The following ROR1 variants were observed in gnomAD, a reference collection of about 807,000 sequenced individuals.
ROR1 encodes ROR family WNT receptor 1.
Under a neutral mutation model 78.8 loss-of-function variants are expected in ROR1, and 19 were observed. That is an observed-to-expected ratio of 0.24 (90% CI 0.17 to 0.35). The LOEUF (loss-of-function observed/expected upper bound fraction) is 0.35. Ranked by LOEUF, ROR1 falls within the 10% of genes least tolerant of loss-of-function variation. ROR1 has a pLI of 1.00. For synonymous variants in ROR1, 386 were observed against 433.6 expected, an observed-to-expected ratio of 0.89 and a Z score of 1.36; for missense variants, 917 against 1,177.8, an observed-to-expected ratio of 0.78 and a Z score of 3.24.
At chr1:64,158,912 A>G (rs898996124) in intron 7 of ROR1, 69 bp from the exon 8 acceptor site, 24 of 1,177,594 alleles carry the variant, frequency 2.0e-5, no homozygotes, top group African/African-American at 4.5e-5. Context: ...ATTTTAAACT[A>G]TGCAATGTAA....
intron 1 of ROR1, among the ~76,000 whole-genome samples, chr1:63,982,852 A>G (rs1272787571): frequency 6.6e-6 from 1 of 152,146 alleles, no homozygotes; most frequent in East Asian, 1.9e-4. Context: ...CTCCTGGTCT[A>G]CTAGATATAT....
chr1:63,990,340 A>G (rs116564716), intron 1 of ROR1, among the ~76,000 whole-genome samples: 3,377 of 152,224 alleles, frequency 0.022, 60 homozygotes, highest in African/African-American at 0.048. Flanking sequence ...AAGTGTAGGG[A>G]GGGCTTCACT....
rs1017978516 is a variant in ROR1, at chr1:63,866,666, TA to T, written c.91+92166del. Among the ~76,000 whole-genome samples the T allele has an allele frequency of 1.3e-4, 19 of 151,918 alleles. No individual in the cohort carries two copies. The South Asian group carries it at 3.7e-3, about 30-fold the overall frequency. Reference sequence around the variant, plus strand: ...TTTCCTTATATATTTCCTTCTGAAATAAAAAAAAGTATCTTTCATTAGATAT... The same window carrying T: ...TTTCCTTATATATTTCCTTCTGAAATAAAAAAAGTATCTTTCATTAGATAT... On this transcript the variant is annotated intron_variant, in intron 1 of 8. Coordinates refer to ENST00000371079, the MANE Select transcript of ROR1 (RefSeq NM_005012.4).
At chr1:64,097,529 T>C (rs558968003) in intron 4 of ROR1, among the ~76,000 whole-genome samples, 1 of 151,398 alleles carries the variant, frequency 6.6e-6, no homozygotes, top group East Asian at 1.9e-4. Flanking sequence ...GACAAGATTG[T>C]ATTTATGCAT....
At chr1:63,910,616 A>T (rs1001330593) in intron 1 of ROR1, among the ~76,000 whole-genome samples, 1 of 151,902 alleles carries the variant, frequency 6.6e-6, no homozygotes, top group East Asian at 1.9e-4. Context: ...ACCTCCTATG[A>T]CCCCATAGCC....
intron 1 of ROR1, among the ~76,000 whole-genome samples, chr1:63,924,003 C>G (rs1645678667): frequency 6.6e-6 from 1 of 151,788 alleles, no homozygotes; most frequent in Non-Finnish European, 1.5e-5. Context: ...TTTTGTAGCT[C>G]TAAACACGGG....
rs148310082 is a variant in ROR1, at chr1:64,161,647, G to C, written c.1386+2455G>C. On this transcript the variant is annotated intron_variant, in intron 8 of 8. Transcript: ENST00000371079. Reference sequence around the variant, plus strand: ...GGGTGAAGTAAACATTGTTTTCATAGTTTCTGGATCATTTCTGAGGTGTGC... The same window carrying C: ...GGGTGAAGTAAACATTGTTTTCATACTTTCTGGATCATTTCTGAGGTGTGC... Among the ~76,000 whole-genome samples the C allele has an allele frequency of 2.6e-5, 4 of 152,312 alleles. No individual in the cohort carries two copies. In the East Asian group the frequency reaches 7.7e-4, roughly 29 times the overall value.
intron 1 of ROR1, among the ~76,000 whole-genome samples, chr1:63,923,430 C>G (rs1645674066): frequency 6.6e-6 from 1 of 152,024 alleles, no homozygotes; most frequent in African/African-American, 2.4e-5. Context: ...GCCAGTGGTG[C>G]CAGATCACAG....
intron 1 of ROR1, among the ~76,000 whole-genome samples, chr1:63,796,349 G>A (rs911791948): frequency 3.3e-5 from 5 of 152,150 alleles, no homozygotes; most frequent in Non-Finnish European, 5.9e-5. Flanking sequence ...CTGTGTAGTG[G>A]CAGTGTCAAC....
intron 1 of ROR1, among the ~76,000 whole-genome samples, chr1:63,900,710 A>G (rs1645478233): frequency 6.6e-6 from 1 of 152,164 alleles, no homozygotes; most frequent in South Asian, 2.1e-4. Flanking sequence ...GGAAGCCCCT[A>G]TTAATATTTT....
At chr1:63,846,401 C>G (rs1420813685) in intron 1 of ROR1, among the ~76,000 whole-genome samples, 1 of 152,070 alleles carries the variant, frequency 6.6e-6, no homozygotes, top group Non-Finnish European at 1.5e-5. Context: ...TTTTCGATAA[C>G]CTCAGCCCAA....
At chr1:64,156,098 T>C (rs1649762154) in intron 7 of ROR1, among the ~76,000 whole-genome samples, 1 of 152,166 alleles carries the variant, frequency 6.6e-6, no homozygotes, top group Admixed American at 6.5e-5. Context: ...TACCTGTGAA[T>C]CCCCCTCTAG....
intron 1 of ROR1, among the ~76,000 whole-genome samples, chr1:63,904,855 T>C (rs1322490539): frequency 1.3e-5 from 2 of 152,186 alleles, no homozygotes; most frequent in African/African-American, 4.8e-5. Flanking sequence ...AGACTCCTAA[T>C]TTCCAGAATT....
intron 1 of ROR1, among the ~76,000 whole-genome samples, chr1:63,909,366 T>G (rs1645552129): frequency 6.6e-6 from 1 of 152,228 alleles, no homozygotes; most frequent in South Asian, 2.1e-4. Context: ...CAATAGCATC[T>G]GTATGCACTT....
chr1:63,837,001 G>A (rs1569793513), intron 1 of ROR1, among the ~76,000 whole-genome samples: 1 of 152,152 alleles, frequency 6.6e-6, no homozygotes, highest in African/African-American at 2.4e-5. Context: ...TGAATGGCAG[G>A]GGAGGCTGAG....
intron 1 of ROR1, among the ~76,000 whole-genome samples, chr1:63,930,225 G>A (rs570683256): frequency 3.3e-5 from 5 of 152,092 alleles, no homozygotes; most frequent in South Asian, 2.1e-4. Context: ...CAGGGATTCC[G>A]GCTTATTGGA....
intron 1 of ROR1, among the ~76,000 whole-genome samples, chr1:63,980,795 A>G (rs1646204153): frequency 6.6e-6 from 1 of 152,214 alleles, no homozygotes; most frequent in African/African-American, 2.4e-5. Context: ...CCCTAGTCAC[A>G]CTGGGCCTGT....
chr1:63,963,379 C>T (rs1018490797), intron 1 of ROR1, among the ~76,000 whole-genome samples: 2 of 151,894 alleles, frequency 1.3e-5, no homozygotes, highest in Non-Finnish European at 2.9e-5. Flanking sequence ...ACCAGCCTGA[C>T]CAACATGGTG....
chr1:64,080,621 G>A (rs991009899), intron 4 of ROR1, among the ~76,000 whole-genome samples: 4 of 152,156 alleles, frequency 2.6e-5, no homozygotes, highest in African/African-American at 9.7e-5. Flanking sequence ...TTTGGTTAGG[G>A]TCCAAACAAG....
Sources: allele counts gnomAD v4.1 joint callset (sites outside exome capture counted in the v4.1 genomes callset), GRCh38; gene constraint gnomAD v4.1.1; transcripts MANE v1.5; gene names NCBI Gene and HGNC (gene_info 2026-07-23, HGNC 2026-07-21).